The following UBR1 variants were observed in gnomAD, a reference collection of about 807,000 sequenced individuals.
UBR1 encodes E3 ubiquitin-protein ligase UBR1.
In UBR1, 102 loss-of-function variants were observed where a neutral mutation model predicts 242.1. The ratio of observed to expected loss-of-function variants is 0.42; its 90% CI spans 0.36 to 0.50. UBR1 has a LOEUF of 0.50. UBR1 is among the 20% of genes least tolerant of loss of function. The probability of loss-of-function intolerance (pLI) is 0.01; values close to 1 mark genes in which losing one functional copy is unlikely to be tolerated. For synonymous variants in UBR1, 675 were observed against 684.8 expected (o/e 0.99, Z 0.22); for missense variants, 1,772 against 2,101.8 (o/e 0.84, Z 3.07).
chr15:42,964,150 G>C (rs1423400048), intron 41 of UBR1, 107 bp from the exon 42 acceptor site: 2 of 818,280 alleles, frequency 2.4e-6, no homozygotes, highest in East Asian at 5.6e-5. Context: ...TCTCCTTGTA[G>C]AGGGTATATT....
At chr15:42,980,773 T>C (rs935495991) in intron 37 of UBR1, among the ~76,000 whole-genome samples, 5 of 152,202 alleles carry the variant, frequency 3.3e-5, no homozygotes, top group South Asian at 2.1e-4. Flanking sequence ...CACACCCGGC[T>C]AAGTTTTTTG....
intron 6 of UBR1, among the ~76,000 whole-genome samples, chr15:43,064,937 TAAG>T (rs1422633399): frequency 1.3e-5 from 2 of 152,226 alleles, no homozygotes; most frequent in Non-Finnish European, 1.5e-5. Context: ...ATTTTTCTCC[TAAG>T]AAGGATATTT....
In UBR1 at chr15:43,037,843, C is replaced by T; in HGVS notation, c.1952G>A (p.Arg651His). The change falls in exon 17 of 47, where the codon CGT (arginine) becomes CAT (histidine). Residue 651 changes from arginine to histidine, a missense_variant. Physicochemically the swap from Arg to His is conservative, Grantham distance 29. Around this residue, in one of 3 missense-constraint regions of UBR1, gnomAD observed 734 missense variants for 893.3 expected, o/e 0.82. Transcript: ENST00000290650. ...QVEVLVEYPL[R>H]CLVLVAQVVA... Reference sequence around the variant, plus strand: ...AACCTGGGCAACCAACACCAGACAACGTAAAGGATATTCCACTAGTACCTC... The same window carrying T: ...AACCTGGGCAACCAACACCAGACAATGTAAAGGATATTCCACTAGTACCTC... 2.5e-6 allele frequency: 4 copies of T among 1,614,106 alleles called. No individual in the cohort carries two copies. Among genetic ancestry groups the T allele is most frequent in the Non-Finnish European group, 3.4e-6 (4 of 1,180,018 alleles).
At chr15:43,023,598 CAAAAAAAAAAA>C (rs35071600) in intron 25 of UBR1, among the ~76,000 whole-genome samples, 79 of 39,998 alleles carry the variant, frequency 2.0e-3, no homozygotes, top group Admixed American at 7.0e-3. Context: ...AACTCCATCT[CAAAAAAAAAAA>C]AAAAAAAAAA....
intron 1 of UBR1, among the ~76,000 whole-genome samples, chr15:43,103,937 AAG>A (rs2034267306): frequency 6.6e-6 from 1 of 151,496 alleles, no homozygotes; most frequent in Non-Finnish European, 1.5e-5. Flanking sequence ...GAAAAAGAGA[AAG>A]AGAGAGGTAG....
At chr15:42,993,355 T>C (rs2032585094) in intron 33 of UBR1, among the ~76,000 whole-genome samples, 1 of 152,074 alleles carries the variant, frequency 6.6e-6, no homozygotes, top group South Asian at 2.1e-4. Flanking sequence ...GATTGGATTT[T>C]ATGAAATGTC....
At chr15:43,021,200 G>T in intron 27 of UBR1, 75 bp downstream of exon 27, 1 of 1,224,698 alleles carries the variant, frequency 8.2e-7, no homozygotes, top group Non-Finnish European at 1.2e-6. Context: ...TGGTACAGTG[G>T]TTTAACACTG....
At chr15:43,029,923 T>G (rs2033232523) in intron 21 of UBR1, 21 bp downstream of exon 21, 9 of 1,613,692 alleles carry the variant, frequency 5.6e-6, no homozygotes, top group Admixed American at 3.3e-5. Context: ...TACATAGAGA[T>G]AAAACCAAAA....
At chr15:43,105,306 C>T (rs1486529583) in intron 1 of UBR1, among the ~76,000 whole-genome samples, 1 of 152,142 alleles carries the variant, frequency 6.6e-6, no homozygotes, top group Non-Finnish European at 1.5e-5. Context: ...CTGTGCCTTC[C>T]CATTCTTTCA....
At chr15:43,069,721 C>A (rs1323883016) in intron 5 of UBR1, among the ~76,000 whole-genome samples, 1 of 152,166 alleles carries the variant, frequency 6.6e-6, no homozygotes, top group Non-Finnish European at 1.5e-5. Flanking sequence ...GTCATGGTCA[C>A]AATGCCAACA....
chr15:42,994,905 G>C (rs2032612391), intron 33 of UBR1, among the ~76,000 whole-genome samples: 1 of 152,112 alleles, frequency 6.6e-6, no homozygotes, highest in African/African-American at 2.4e-5. Context: ...ACACTAAAAA[G>C]CTACCAGAAT....
intron 37 of UBR1, among the ~76,000 whole-genome samples, chr15:42,983,665 C>T (rs867318186): frequency 6.3e-4 from 87 of 137,358 alleles, no homozygotes; most frequent in African/African-American, 1.7e-3. Flanking sequence ...AACTCCCACT[C>T]AATAATAATA....
intron 29 of UBR1, among the ~76,000 whole-genome samples, chr15:43,008,541 G>T (rs1296627714): frequency 1.3e-5 from 2 of 152,268 alleles, no homozygotes; most frequent in East Asian, 3.8e-4. Flanking sequence ...AACAGCCAGG[G>T]AGTTGTGGAT....
At chr15:43,074,947 G>C (rs528413879) in intron 4 of UBR1, 32 bp downstream of exon 4, 5 of 1,517,172 alleles carry the variant, frequency 3.3e-6, no homozygotes, top group Middle Eastern at 1.7e-4. Context: ...ACTTAAAATA[G>C]TTAACAATTT....
chr15:43,105,961 G>A lies in UBR1; in HGVS notation c.62C>T (p.Thr21Ile), dbSNP rs1262786849. ...ACTTACAGATGCCAGACGCTGAGGG[G>A]TCTGGGGTAACTCCGCGCTGATTTC... ...RMEISAELPQ[T>I]PQRLASWWDQ... Residue 21 changes from threonine to isoleucine, a missense_variant, in exon 1 of 47, where the codon ACC (threonine) becomes ATC (isoleucine). Transcript: ENST00000290650. 1.2e-6 allele frequency: 2 copies of A among 1,614,064 alleles called. No individual in the cohort carries two copies. Among genetic ancestry groups the A allele is most frequent in the East Asian group, 2.2e-5 (1 of 44,878 alleles).
intron 1 of UBR1, 43 bp downstream of exon 1, chr15:43,105,899 G>A (rs755157885): frequency 6.3e-7 from 1 of 1,590,436 alleles, no homozygotes. Context: ...CAGTAGGGAG[G>A]GACCGGGGGG....
chr15:42,987,981 C>T (rs2032500508), intron 35 of UBR1, among the ~76,000 whole-genome samples: 1 of 152,062 alleles, frequency 6.6e-6, no homozygotes, highest in South Asian at 2.1e-4. Context: ...TCTAAGTGAT[C>T]CCTCACTGCT....
At position 42,964,027 on chromosome 15, in the gene UBR1, C is replaced by G. The variant is rs1567109671; in HGVS notation, c.4608G>C (p.Glu1536Asp). 3.7e-6 allele frequency: 6 copies of G among 1,612,084 alleles called. No individual in the cohort carries two copies. The highest frequency in any genetic ancestry group is 3.4e-6 in the Non-Finnish European group (4 of 1,178,300). The change falls in exon 42 of 47, where the codon GAG (glutamate) becomes GAC (aspartate). Residue 1536 changes from glutamate (E) to aspartate (D), a missense_variant. By Grantham distance (45) the Glu-to-Asp change is conservative (BLOSUM62 2). Around this residue, in one of 3 missense-constraint regions of UBR1, gnomAD observed 965 missense variants for 1,079.7 expected, o/e 0.89. Coordinates refer to ENST00000290650, the MANE Select transcript of UBR1 (RefSeq NM_174916.3). The stretch of plus-strand genomic sequence containing the variant: ...ATAGATAGCTACAGAGTGCACTGTA[C>G]TCTCCTTCTGCAGAATCTGCAAGAG... ...EELHTNSAEGEYSALCSYLSL... is the reference protein window; with the variant it reads ...EELHTNSAEGDYSALCSYLSL...
In UBR1 at chr15:42,977,912, A is replaced by AT; in HGVS notation, c.4185dup (p.Cys1396MetfsTer25). ...TGAAACAGATCTATAGACAGAAGGC[A>AT]TGGTGTATCTTCTGATTTTATGTTA... On this transcript the variant is annotated frameshift_variant, in exon 38 of 47. Coordinates refer to ENST00000290650, the MANE Select transcript of UBR1 (RefSeq NM_174916.3). LOFTEE classifies it high-confidence loss of function. 6.2e-7 allele frequency: 1 copy of AT among 1,613,426 alleles called. No individual in the cohort carries two copies. Among genetic ancestry groups the AT allele is most frequent in the South Asian group, 1.1e-5 (1 of 91,066 alleles).
Sources: allele counts gnomAD v4.1 joint callset (sites outside exome capture counted in the v4.1 genomes callset), GRCh38; gene constraint gnomAD v4.1.1; regional missense constraint gnomAD v4.1.1; transcripts MANE v1.5; gene names NCBI Gene and HGNC (gene_info 2026-07-23, HGNC 2026-07-21).